Variants in HSD17B13 observed in about 807,000 individuals in gnomAD.
The protein encoded by HSD17B13 is hydroxysteroid 17-beta dehydrogenase 13, also known as 17-beta-hydroxysteroid dehydrogenase 13.
Under a neutral mutation model 31.1 loss-of-function variants are expected in HSD17B13, and 26 were observed. The observed-to-expected ratio is 0.84, with a 90% CI of 0.61 to 1.16. The LOEUF (loss-of-function observed/expected upper bound fraction) is 1.16. Ranked by LOEUF, HSD17B13 falls within the 50% of genes most tolerant of loss-of-function variation. HSD17B13 has a pLI of 0.00. For synonymous variants in HSD17B13, 141 were observed against 133.7 expected (o/e 1.05, Z -0.38); for missense variants, 374 against 366.5 (o/e 1.02, Z -0.17).
At position 87,315,527 on chromosome 4, in the gene HSD17B13, C is replaced by G. The variant is rs139930013; in HGVS notation, c.523G>C (p.Gly175Arg). 2 of 1,611,092 alleles carry G rather than the reference C, an allele frequency of 1.2e-6. No individual in the cohort carries two copies. The highest frequency in any genetic ancestry group is 1.7e-6 in the Non-Finnish European group (2 of 1,177,644). The change falls in exon 4 of 7, where the codon GGC (glycine) becomes CGC (arginine). Residue 175 changes from glycine to arginine, a missense_variant. Transcript: ENST00000328546. Reference protein sequence around the residue: ...GHIVTVASVCGHEGIPYLIPY... With the variant: ...GHIVTVASVCRHEGIPYLIPY... ...ATGAGGTAAGGAATCCCTTCGTGGC[C>G]GCACACTGAAGCCACTGTGACGATG...
chr4:87,310,747 G>T (rs1734512709), intron 5 of HSD17B13, among the ~76,000 whole-genome samples: 1 of 152,212 alleles, frequency 6.6e-6, no homozygotes, highest in Admixed American at 6.5e-5. Flanking sequence ...CTATAGCTAA[G>T]TATACTTTCT....
rs755789232 is a variant in HSD17B13 at position 87,308,030 on chromosome 4, A to T, written c.812+2213T>A. ...TTATCTTCTCACTGATACAATTTCA[A>T]TTTAGAAACTGCTCCTCAGAAGAAA... is the stretch of plus-strand genomic sequence containing the variant. On this transcript the variant is annotated intron_variant, in intron 6 of 6. Coordinates refer to ENST00000328546, the MANE Select transcript of HSD17B13 (RefSeq NM_178135.5). Among the ~76,000 whole-genome samples, 15 of 152,312 alleles carry T rather than the reference A, an allele frequency of 9.8e-5. No homozygotes were observed. The East Asian group carries it at 2.7e-3, about 27-fold the overall frequency.
intron 6 of HSD17B13, among the ~76,000 whole-genome samples, chr4:87,305,569 A>G (rs1355349612): frequency 6.6e-6 from 1 of 152,110 alleles, no homozygotes; most frequent in Non-Finnish European, 1.5e-5. Context: ...ATGAGACAGT[A>G]AAATTATGCC....
In HSD17B13 at chr4:87,314,619, G is replaced by A. The variant is rs187504044; in HGVS notation, c.558-659C>T. ...CTGCAACTTTTAGTCAGGTAGAGTC[G>A]TTTTCTCTCTCTCTCTCTCTCTCAC... On this transcript the variant is annotated intron_variant, in intron 4 of 6. Transcript: ENST00000328546. 1.1e-3 allele frequency among the ~76,000 whole-genome samples: 155 copies of A among 145,318 alleles called. 1 individual carries two copies. The Middle Eastern group carries it at 0.017, about 16-fold the overall frequency.
rs908705736 is a variant in HSD17B13, at chr4:87,304,537, G to A, written c.*681C>T. 1 of 152,070 alleles carries A rather than the reference G, an allele frequency of 6.6e-6. No individual in the cohort carries two copies. The highest frequency in any genetic ancestry group is 2.4e-5 in the African/African-American group (1 of 41,402). 9.4% of individuals were successfully genotyped at this position (152,070 alleles called of 1,614,324 possible). A position where few individuals can be genotyped will look rare whatever the true frequency, so the allele number is the denominator to read the frequency against. ...TCATGGGGCTAGAACTTAAAATTCT[G>A]AGATTTAAAATAGAGTCGGTCACCT... On this transcript the variant is annotated 3_prime_UTR_variant, in exon 7 of 7. Transcript: ENST00000328546.
intron 3 of HSD17B13, 80 bp downstream of exon 3, chr4:87,317,011 GA>G: frequency 7.1e-7 from 1 of 1,416,338 alleles, no homozygotes. Flanking sequence ...TTCCTGTCCA[GA>G]AGTATGTGAA....
In HSD17B13 at chr4:87,305,452, CCTCT is replaced by C. The variant is rs1375399493; in HGVS notation, c.813-148_813-145del. On this transcript the variant is annotated intron_variant, in intron 6 of 6. Coordinates refer to ENST00000328546, the MANE Select transcript of HSD17B13 (RefSeq NM_178135.5). ...CCGTTCTTTTCTTCTCTTGCAACCA[CCTCT>C]CTTTTACGTGTGCATCTTTCTTTTT... 3 of 478,544 alleles carry C rather than the reference CCTCT, an allele frequency of 6.3e-6. No homozygotes were observed. The East Asian group carries it at 9.9e-5, about 16-fold the overall frequency. The allele number at this position is 478,544 out of a possible 1,614,324, so 29.6% of individuals were successfully genotyped here.
intron 1 of HSD17B13, 97 bp from the exon 2 acceptor site, chr4:87,318,533 C>T (rs961182722): frequency 6.4e-6 from 6 of 941,212 alleles, no homozygotes; most frequent in Non-Finnish European, 1.0e-5. Context: ...GGCGCGGTGG[C>T]TCACGCCTGT....
At position 87,318,430 on chromosome 4, in the gene HSD17B13, C is replaced by T; in HGVS notation, c.217G>A (p.Val73Met). ...CGGCACTCAGCTGCAGTTTCCTCCA[C>T]ACCGCGCTGTAATTAGGAAGAAACA... ...LVLWDINKRG[V>M]EETAAECRKL... The change falls in exon 2 of 7, where the codon GTG (valine) becomes ATG (methionine). Residue 73 changes from valine to methionine, a missense_variant. Transcript: ENST00000328546. The T allele has an allele frequency of 3.1e-6, 5 of 1,613,858 alleles. No homozygotes were observed. Among genetic ancestry groups the T allele is most frequent in the Non-Finnish European group, 4.2e-6 (5 of 1,179,722 alleles).
rs368473879 is a variant in HSD17B13, at chr4:87,310,975, G to C, written c.696-616C>G. Among the ~76,000 whole-genome samples, 40 of 152,204 alleles carry C rather than the reference G, an allele frequency of 2.6e-4. No homozygotes were observed. The South Asian group carries it at 7.1e-3, about 27-fold the overall frequency. ...CATAAAGACCTTGTTGATAAAATAG[G>C]GTGCAGTAAAGAAGCCGGCCAAAAC... On this transcript the variant is annotated intron_variant, in intron 5 of 6. Transcript: ENST00000328546.
At chr4:87,315,412 C>T in intron 4 of HSD17B13, 81 bp downstream of exon 4, 1 of 685,882 alleles carries the variant, frequency 1.5e-6, no homozygotes, top group Non-Finnish European at 2.3e-6. Flanking sequence ...AGAACCAGGA[C>T]TCTCCAGTGG....
At chr4:87,317,308 T>C (rs1560750072) in intron 2 of HSD17B13, 85 bp from the exon 3 acceptor site, 6 of 1,342,850 alleles carry the variant, frequency 4.5e-6, no homozygotes, top group Non-Finnish European at 6.3e-6. Context: ...GATGAGAGTC[T>C]TTCTTCTATT....
intron 3 of HSD17B13, among the ~76,000 whole-genome samples, chr4:87,316,428 T>A (rs1734650673): frequency 2.0e-5 from 3 of 152,176 alleles, no homozygotes; most frequent in Admixed American, 6.5e-5. Context: ...ACATCTCTTT[T>A]TTTTCTTCTT....
At position 87,305,178 on chromosome 4, in the gene HSD17B13, A is replaced by C. The variant is rs770736675; in HGVS notation, c.*40T>G. The stretch of plus-strand genomic sequence containing the variant: ...GCAGCATTGATTCGAAACTATTCAT[A>C]TCATTATCATGCATACATCTCTGGC... On this transcript the variant is annotated 3_prime_UTR_variant, in exon 7 of 7. Coordinates refer to ENST00000328546, the MANE Select transcript of HSD17B13 (RefSeq NM_178135.5). The C allele has an allele frequency of 4.3e-5, 54 of 1,267,616 alleles. No individual in the cohort carries two copies. The African/African-American group carries it at 5.8e-4, about 14-fold the overall frequency. The allele number at this position is 1,267,616 out of a possible 1,614,324, so 78.5% of individuals were successfully genotyped here.
chr4:87,312,466 C>G (rs1734550204), intron 5 of HSD17B13, among the ~76,000 whole-genome samples: 1 of 151,326 alleles, frequency 6.6e-6, no homozygotes, highest in Non-Finnish European at 1.5e-5. Context: ...GGCTATAGGC[C>G]TCCGACTGTA....
intron 6 of HSD17B13, 60 bp from the exon 7 acceptor site, chr4:87,305,368 T>C (rs538113119): frequency 1.7e-6 from 2 of 1,169,408 alleles, no homozygotes; most frequent in Non-Finnish European, 2.4e-6. Context: ...GACAACAGAG[T>C]TCTGTTTTTG....
At chr4:87,317,648 A>T (rs573817340) in intron 2 of HSD17B13, among the ~76,000 whole-genome samples, 4 of 117,460 alleles carry the variant, frequency 3.4e-5, no homozygotes, top group Admixed American at 1.2e-4. Flanking sequence ...GTCTCATGTG[A>T]TCCTTCCACC....
chr4:87,322,270 T>C (rs989141041), intron 1 of HSD17B13, among the ~76,000 whole-genome samples: 1 of 152,198 alleles, frequency 6.6e-6, no homozygotes, highest in South Asian at 2.1e-4. Flanking sequence ...CGTTTGACTT[T>C]TGTTTGTAGC....
chr4:87,303,819 T>C lies in HSD17B13; in HGVS notation c.*1399A>G, dbSNP rs1734319583. On this transcript the variant is annotated 3_prime_UTR_variant, in exon 7 of 7. Transcript: ENST00000328546. ...TTTAGAAGTCAAACGTTTTATTTTA[T>C]AACTACAAGAGGTTATTTTTTTAAA... 6.6e-6 allele frequency: 1 copy of C among 152,202 alleles called. No homozygotes were observed. The highest frequency in any genetic ancestry group is 6.5e-5 in the Admixed American group (1 of 15,284). 9.4% of individuals were successfully genotyped at this position (152,202 alleles called of 1,614,324 possible).
Sources: allele counts gnomAD v4.1 joint callset (sites outside exome capture counted in the v4.1 genomes callset), GRCh38; gene constraint gnomAD v4.1.1; transcripts MANE v1.5; gene names NCBI Gene and HGNC (gene_info 2026-07-23, HGNC 2026-07-21).